Variants in ZFYVE9 observed in about 807,000 individuals in gnomAD.
ZFYVE9 encodes zinc finger FYVE-type containing 9, also known as zinc finger FYVE domain-containing protein 9.
A neutral mutation model predicts 126.7 loss-of-function variants in ZFYVE9; 43 were observed. That is an observed-to-expected ratio of 0.34 (90% confidence interval 0.27 to 0.44). The LOEUF (loss-of-function observed/expected upper bound fraction) is 0.44. ZFYVE9 is among the 20% of genes least tolerant of loss of function. The probability of loss-of-function intolerance (pLI) is 1.00; values close to 1 mark genes in which losing one functional copy is unlikely to be tolerated. For synonymous variants in ZFYVE9, 521 were observed against 597.4 expected (o/e 0.87, Z 1.87); for missense variants, 1,476 against 1,697.0 (o/e 0.87, Z 2.29).
At chr1:52,262,468 GATA>G (rs2147795810) in intron 4 of ZFYVE9, among the ~76,000 whole-genome samples, 1 of 152,228 alleles carries the variant, frequency 6.6e-6, no homozygotes, top group East Asian at 1.9e-4. Context: ...AGAAAATAAG[GATA>G]ATATGTATAC....
At chr1:52,205,821 C>T (rs1644973251) in intron 1 of ZFYVE9, among the ~76,000 whole-genome samples, 1 of 152,180 alleles carries the variant, frequency 6.6e-6, no homozygotes, top group Non-Finnish European at 1.5e-5. Flanking sequence ...TCTTGGTTCA[C>T]ACAATTTGTG....
At chr1:52,169,361 C>G (rs183184555) in intron 1 of ZFYVE9, among the ~76,000 whole-genome samples, 1 of 151,392 alleles carries the variant, frequency 6.6e-6, no homozygotes, top group Non-Finnish European at 1.5e-5. Context: ...GATTGTGCCA[C>G]TGCTCTCCAG....
rs766340900 is a variant in ZFYVE9, at chr1:52,340,145, G to T, written c.3853G>T (p.Gly1285Trp). The T allele has an allele frequency of 2.5e-6, 4 of 1,613,492 alleles. No homozygotes were observed. The highest frequency in any genetic ancestry group is 3.4e-6 in the Non-Finnish European group (4 of 1,179,532). ...VSKGVVSPID[G>W]KSMETITNVK... ...TTTTAGTGTCGTAAGTCCTATAGAT[G>T]GGAAGTCCATGGAGACTATAACAAA... is the stretch of plus-strand genomic sequence containing the variant. Residue 1285 changes from glycine to tryptophan, a missense_variant, in exon 17 of 19, where the codon GGG (glycine) becomes TGG (tryptophan). Physicochemically the swap from Gly to Trp is radical, Grantham distance 184. Coordinates refer to ENST00000287727, the MANE Select transcript of ZFYVE9 (RefSeq NM_004799.4).
At chr1:52,168,214 C>CTTTTTTTTTTT (rs139943554) in intron 1 of ZFYVE9, among the ~76,000 whole-genome samples, 3 of 114,988 alleles carry the variant, frequency 2.6e-5, no homozygotes, top group African/African-American at 3.5e-5. Flanking sequence ...TCTTCGTCTT[C>CTTTTTTTTTTT]TTTTTTTTTT....
At position 52,258,098 on chromosome 1, in the gene ZFYVE9, A is replaced by G. The variant is rs563224385; in HGVS notation, c.2179-5675A>G. On this transcript the variant is annotated intron_variant, in intron 4 of 18. Coordinates refer to ENST00000287727, the MANE Select transcript of ZFYVE9 (RefSeq NM_004799.4). ...AATAAGCAAATATTTACTGAGTACT[A>G]TGTTTCAGACACAATATTGAAGATA... Among the ~76,000 whole-genome samples the G allele has an allele frequency of 4.3e-3, 650 of 152,322 alleles. 7 individuals are homozygous for G. The highest frequency in any genetic ancestry group is 0.015 in the African/African-American group (605 of 41,562).
At chr1:52,222,122 C>T (rs1645129337) in intron 2 of ZFYVE9, among the ~76,000 whole-genome samples, 3 of 152,184 alleles carry the variant, frequency 2.0e-5, no homozygotes, top group African/African-American at 4.8e-5. Context: ...CCCTTGTTCC[C>T]TTAGGAAATT....
intron 4 of ZFYVE9, among the ~76,000 whole-genome samples, chr1:52,261,252 G>A (rs1271489120): frequency 1.4e-5 from 2 of 147,114 alleles, no homozygotes; most frequent in Non-Finnish European, 3.0e-5. Context: ...TTTGAGACAG[G>A]GTTTTGCTGT....
At chr1:52,290,050 A>G (rs2147825996) in intron 10 of ZFYVE9, among the ~76,000 whole-genome samples, 1 of 152,280 alleles carries the variant, frequency 6.6e-6, no homozygotes, top group East Asian at 1.9e-4. Flanking sequence ...TAAACATTAC[A>G]CTGTGTCTTA....
intron 4 of ZFYVE9, among the ~76,000 whole-genome samples, chr1:52,251,523 A>T (rs985287776): frequency 6.6e-6 from 1 of 152,064 alleles, no homozygotes; most frequent in Non-Finnish European, 1.5e-5. Context: ...TCATAAGTTG[A>T]ATTATCCTTG....
chr1:52,175,850 C>T lies in ZFYVE9; in HGVS notation c.-143+33447C>T, dbSNP rs868796334. On this transcript the variant is annotated intron_variant, in intron 1 of 18. Transcript: ENST00000287727. ...GTAGTTCTCGAGCCTTGGCTTTCAGCTCCTTTAAGCACTTCTCTGTATTGG... is the reference window on the plus strand; with the variant it reads ...GTAGTTCTCGAGCCTTGGCTTTCAGTTCCTTTAAGCACTTCTCTGTATTGG... Among the ~76,000 whole-genome samples the T allele has an allele frequency of 2.6e-5, 4 of 152,292 alleles. No homozygotes were observed. In the South Asian group the frequency reaches 8.3e-4, roughly 32 times the overall value.
intron 14 of ZFYVE9, among the ~76,000 whole-genome samples, chr1:52,333,577 G>A (rs905225512): frequency 2.0e-5 from 3 of 152,160 alleles, no homozygotes; most frequent in African/African-American, 4.8e-5. Flanking sequence ...CTCAAGAGGC[G>A]TTACCCAAAG....
chr1:52,210,875 G>A (rs1434210793), intron 1 of ZFYVE9, among the ~76,000 whole-genome samples: 4 of 152,248 alleles, frequency 2.6e-5, no homozygotes, highest in South Asian at 2.1e-4. Context: ...GGTTCTTCTC[G>A]AACTTCTGAT....
Position 52,334,676 on chromosome 1 carries a change from T to C in ZFYVE9, c.3590-12T>C. Reference sequence around the variant, plus strand: ...GGTCTGTCTTACTAAACTATTTCTATTGCTGTTTTAGTGACTGGTGCCAGT... The same window carrying C: ...GGTCTGTCTTACTAAACTATTTCTACTGCTGTTTTAGTGACTGGTGCCAGT... On this transcript the variant is annotated splice_polypyrimidine_tract_variant and intron_variant, in intron 14 of 18. Transcript: ENST00000287727. The C allele has an allele frequency of 6.2e-7, 1 of 1,613,224 alleles. No individual in the cohort carries two copies. Among genetic ancestry groups the C allele is most frequent in the Non-Finnish European group, 8.5e-7 (1 of 1,179,502 alleles).
At chr1:52,158,772 A>C (rs1644427049) in intron 1 of ZFYVE9, among the ~76,000 whole-genome samples, 1 of 151,376 alleles carries the variant, frequency 6.6e-6, no homozygotes. Context: ...GAGCCTGGGC[A>C]ATCTAACAGC....
At chr1:52,330,757 A>G (rs770711162) in intron 13 of ZFYVE9, among the ~76,000 whole-genome samples, 2 of 151,946 alleles carry the variant, frequency 1.3e-5, no homozygotes, top group Non-Finnish European at 2.9e-5. Context: ...CTTTCCTCCT[A>G]TCCTAAGAAT....
At chr1:52,270,113 G>A (rs1645674857) in intron 7 of ZFYVE9, among the ~76,000 whole-genome samples, 1 of 151,852 alleles carries the variant, frequency 6.6e-6, no homozygotes, top group Non-Finnish European at 1.5e-5. Context: ...AGGATTGGTT[G>A]CACTTCACCA....
At chr1:52,152,454 G>A (rs1171600104) in intron 1 of ZFYVE9, among the ~76,000 whole-genome samples, 3 of 152,118 alleles carry the variant, frequency 2.0e-5, no homozygotes, top group Non-Finnish European at 4.4e-5. Context: ...ATTACTTCCT[G>A]AAGGTGCTCA....
chr1:52,199,071 C>CT (rs796559751), intron 1 of ZFYVE9, among the ~76,000 whole-genome samples: 2,782 of 145,314 alleles, frequency 0.019, 88 homozygotes, highest in African/African-American at 0.064. Flanking sequence ...AATCACGGAT[C>CT]TTTTTTTTTT....
chr1:52,175,339 C>G (rs989276960), intron 1 of ZFYVE9, among the ~76,000 whole-genome samples: 2 of 151,362 alleles, frequency 1.3e-5, no homozygotes, highest in Non-Finnish European at 2.9e-5. Flanking sequence ...GGCCCCTACT[C>G]TCTTCTGGCT....
Sources: gnomAD v4.1 joint callset for allele counts (sites outside exome capture counted in the v4.1 genomes callset) on GRCh38, gnomAD v4.1.1 for gene constraint, MANE v1.5 for transcripts, NCBI Gene and HGNC (gene_info 2026-07-23, HGNC 2026-07-21) for gene names.